Variants in CDH13 observed in about 807,000 individuals in gnomAD.
CDH13 encodes cadherin-13.
Under a neutral mutation model 63.8 loss-of-function variants are expected in CDH13, and 24 were observed. That is an observed-to-expected ratio of 0.38 (90% CI 0.27 to 0.53). The LOEUF is 0.53. Ranked by LOEUF, CDH13 falls within the 20% of genes least tolerant of loss-of-function variation. CDH13 has a pLI of 0.85. For synonymous variants in CDH13, 503 were observed against 355.3 expected, an observed-to-expected ratio of 1.42 and a Z score of -4.67; for missense variants, 1,049 against 903.1, an observed-to-expected ratio of 1.16 and a Z score of -2.07.
At chr16:83,586,000 CA>C (rs1472315668) in intron 7 of CDH13, among the ~76,000 whole-genome samples, 1 of 152,198 alleles carries the variant, frequency 6.6e-6, no homozygotes, top group African/African-American at 2.4e-5. Flanking sequence ...ACAATGAACA[CA>C]GCAACCACAG....
In CDH13 at chr16:82,887,089, A is replaced by G. The variant is rs148965259; in HGVS notation, c.157+28616A>G. ...AGCCTCCTTTTAAATAGGGCAAAGA[A>G]GCTACCTAAAGATTTCTCTTTAATA... On this transcript the variant is annotated intron_variant, in intron 2 of 13. Transcript: ENST00000567109. 3.3e-5 allele frequency among the ~76,000 whole-genome samples: 5 copies of G among 152,318 alleles called. No homozygotes were observed. In the East Asian group the frequency reaches 9.7e-4, roughly 29 times the overall value.
intron 2 of CDH13, among the ~76,000 whole-genome samples, chr16:82,919,710 G>A (rs1429616583): frequency 1.3e-5 from 2 of 152,202 alleles, no homozygotes; most frequent in Non-Finnish European, 2.9e-5. Flanking sequence ...GAGAAGGTAA[G>A]TTCTGGAAAC....
At chr16:83,290,469 C>T (rs931304580) in intron 5 of CDH13, among the ~76,000 whole-genome samples, 4 of 152,124 alleles carry the variant, frequency 2.6e-5, no homozygotes, top group African/African-American at 4.8e-5. Flanking sequence ...CTTCTGCACA[C>T]GCCTTCCTGC....
intron 6 of CDH13, among the ~76,000 whole-genome samples, chr16:83,466,078 C>T (rs1899270528): frequency 6.6e-6 from 1 of 152,192 alleles, no homozygotes; most frequent in African/African-American, 2.4e-5. Flanking sequence ...AGGACCACCC[C>T]CCGCAACCCC....
intron 5 of CDH13, among the ~76,000 whole-genome samples, chr16:83,264,533 T>C (rs1907367645): frequency 8.9e-6 from 1 of 111,934 alleles, no homozygotes; most frequent in Non-Finnish European, 1.8e-5. Flanking sequence ...TATATGTATA[T>C]GTGTGTGTAT....
intron 10 of CDH13, among the ~76,000 whole-genome samples, chr16:83,746,776 A>T (rs577680236): frequency 6.6e-6 from 1 of 152,350 alleles, no homozygotes; most frequent in African/African-American, 2.4e-5. Context: ...TGCAAGTGGC[A>T]CATTATCCAA....
chr16:83,311,935 G>A (rs533455861), intron 5 of CDH13, among the ~76,000 whole-genome samples: 13 of 152,114 alleles, frequency 8.5e-5, no homozygotes, highest in Non-Finnish European at 1.8e-4. Flanking sequence ...TTAGCCAGGC[G>A]TGGTGGTGCA....
At chr16:82,812,542 G>T (rs1280421498) in intron 1 of CDH13, among the ~76,000 whole-genome samples, 1 of 152,002 alleles carries the variant, frequency 6.6e-6, no homozygotes, top group Non-Finnish European at 1.5e-5. Context: ...TGAGAAGAGA[G>T]GAGAGGAGTG....
intron 3 of CDH13, among the ~76,000 whole-genome samples, chr16:83,070,667 CAAG>C: frequency 6.6e-6 from 1 of 152,066 alleles, no homozygotes; most frequent in East Asian, 1.9e-4. Flanking sequence ...CTGAGACGCC[CAAG>C]AAGATGATTG....
At chr16:83,206,463 C>T (rs2039183719) in intron 4 of CDH13, among the ~76,000 whole-genome samples, 2 of 152,198 alleles carry the variant, frequency 1.3e-5, no homozygotes, top group African/African-American at 4.8e-5. Context: ...GGAGCTGTGC[C>T]CTGGATCTCA....
chr16:83,148,959 C>A (rs150615150), intron 4 of CDH13, among the ~76,000 whole-genome samples: 195 of 152,084 alleles, frequency 1.3e-3, no homozygotes, highest in African/African-American at 4.6e-3. Context: ...TAATTGAAAA[C>A]CACTGTTTAA....
At chr16:83,613,420 C>T (rs1229457569) in intron 8 of CDH13, among the ~76,000 whole-genome samples, 2 of 152,160 alleles carry the variant, frequency 1.3e-5, no homozygotes, top group Admixed American at 6.5e-5. Flanking sequence ...CATACATATA[C>T]AAACATACAT....
intron 5 of CDH13, among the ~76,000 whole-genome samples, chr16:83,281,615 G>T (rs1335948237): frequency 6.6e-6 from 1 of 152,044 alleles, no homozygotes; most frequent in African/African-American, 2.4e-5. Context: ...TCGTCATTAA[G>T]CTTAATCAGT....
chr16:83,345,036 A>T (rs2090809447), intron 6 of CDH13, 30 bp downstream of exon 6: 1 of 1,605,968 alleles, frequency 6.2e-7, no homozygotes, highest in South Asian at 1.1e-5. Flanking sequence ...CTTTAGCGTA[A>T]TGGCTTGGAA....
At chr16:83,350,062 G>A (rs1046291722) in intron 6 of CDH13, among the ~76,000 whole-genome samples, 68 of 152,284 alleles carry the variant, frequency 4.5e-4, no homozygotes, top group African/African-American at 1.6e-3. Flanking sequence ...TGAGACATAG[G>A]TTCAAAGCTG....
intron 7 of CDH13, among the ~76,000 whole-genome samples, chr16:83,560,224 T>C (rs2075680172): frequency 6.6e-6 from 1 of 152,220 alleles, no homozygotes; most frequent in Non-Finnish European, 1.5e-5. Context: ...TATTCATAGT[T>C]CTGACTGGGC....
At chr16:82,797,681 A>C (rs2036650160) in intron 1 of CDH13, among the ~76,000 whole-genome samples, 1 of 151,750 alleles carries the variant, frequency 6.6e-6, no homozygotes, top group African/African-American at 2.4e-5. Flanking sequence ...TCATATACTA[A>C]TTTTATTCAG....
At chr16:82,783,215 C>A (rs959490401) in intron 1 of CDH13, among the ~76,000 whole-genome samples, 1 of 152,230 alleles carries the variant, frequency 6.6e-6, no homozygotes, top group Non-Finnish European at 1.5e-5. Flanking sequence ...AGCTCCTCCC[C>A]TTCAGGGCCA....
At chr16:82,764,670 A>G (rs1016096420) in intron 1 of CDH13, among the ~76,000 whole-genome samples, 1 of 152,272 alleles carries the variant, frequency 6.6e-6, no homozygotes, top group Non-Finnish European at 1.5e-5. Flanking sequence ...CATGAAGGAC[A>G]CGAATAAATG....
Sources: allele counts gnomAD v4.1 joint callset (sites outside exome capture counted in the v4.1 genomes callset), GRCh38; gene constraint gnomAD v4.1.1; transcripts MANE v1.5; gene names NCBI Gene and HGNC (gene_info 2026-07-23, HGNC 2026-07-21).